Variants in RALGPS1 observed in about 807,000 individuals in gnomAD.
RALGPS1 encodes the protein Ral GEF with PH domain and SH3 binding motif 1, also known as ras-specific guanine nucleotide-releasing factor RalGPS1.
RALGPS1 carries 19 observed loss-of-function variants against 78.8 expected under a neutral mutation model. That is an observed-to-expected ratio of 0.24 (90% CI 0.17 to 0.35). RALGPS1 has a LOEUF of 0.35. Ranked by LOEUF, RALGPS1 falls within the 10% of genes least tolerant of loss-of-function variation. The pLI is 1.00. For missense variants in RALGPS1, 454 were observed against 688.3 expected, an observed-to-expected ratio of 0.66 and a Z score of 3.81; for synonymous variants, 228 against 256.3, an observed-to-expected ratio of 0.89 and a Z score of 1.06.
intron 4 of RALGPS1, among the ~76,000 whole-genome samples, chr9:127,020,104 C>CT (rs1016854430): frequency 7.9e-5 from 12 of 151,966 alleles, no homozygotes; most frequent in African/African-American, 2.9e-4. Context: ...TTTTCCGTCA[C>CT]TTTTTGTGCT....
chr9:127,012,578 C>T (rs544524449), intron 4 of RALGPS1, among the ~76,000 whole-genome samples: 20 of 152,314 alleles, frequency 1.3e-4, no homozygotes, highest in African/African-American at 3.8e-4. Context: ...GCTGCTGTTC[C>T]GACGTGGAGG....
rs2057237825 is a variant in RALGPS1 at position 127,134,190 on chromosome 9, T to C, written c.611-31879T>C. Among the ~76,000 whole-genome samples, 5 of 152,316 alleles carry C rather than the reference T, an allele frequency of 3.3e-5. No individual in the cohort carries two copies. In the East Asian group the frequency reaches 9.6e-4, roughly 29 times the overall value. On this transcript the variant is annotated intron_variant, in intron 8 of 18. Transcript: ENST00000259351. The stretch of plus-strand genomic sequence containing the variant: ...GGGGGGTCTCTCCTCCTTTGTTTTT[T>C]TAAAGACCCACAGTCTCTTTTGGTT...
chr9:127,208,522 T>C (rs964247122), intron 14 of RALGPS1, among the ~76,000 whole-genome samples: 3 of 152,206 alleles, frequency 2.0e-5, no homozygotes, highest in Non-Finnish European at 2.9e-5. Flanking sequence ...TTCACATCAC[T>C]GAGCCTCAGT....
chr9:127,073,611 A>T (rs2050411759), intron 8 of RALGPS1, among the ~76,000 whole-genome samples: 1 of 152,132 alleles, frequency 6.6e-6, no homozygotes, highest in African/African-American at 2.4e-5. Context: ...CTTTGGATAA[A>T]TACCCAGTGG....
At chr9:126,999,266 C>A (rs1324979466) in intron 4 of RALGPS1, among the ~76,000 whole-genome samples, 2 of 152,024 alleles carry the variant, frequency 1.3e-5, no homozygotes, top group African/African-American at 4.8e-5. Context: ...CACAGCCTCC[C>A]CCACTATCAG....
chr9:127,203,175 A>G (rs1393440148), intron 14 of RALGPS1, among the ~76,000 whole-genome samples: 1 of 152,182 alleles, frequency 6.6e-6, no homozygotes, highest in East Asian at 1.9e-4. Flanking sequence ...TGTAGCGGCG[A>G]TCATGTATGT....
rs531467339 is a variant in RALGPS1 at position 127,217,104 on chromosome 9, C to T, written c.1645-1636C>T. 11 of 1,360,354 alleles carry T rather than the reference C, an allele frequency of 8.1e-6. No homozygotes were observed. In the Admixed American group the frequency reaches 3.1e-4, roughly 38 times the overall value. The allele number at this position is 1,360,354 out of a possible 1,614,324, so 84.3% of individuals were successfully genotyped here. A position where few individuals can be genotyped will look rare whatever the true frequency, so the allele number is the denominator to read the frequency against. On this transcript the variant is annotated intron_variant, in intron 18 of 18. Coordinates refer to ENST00000259351, the MANE Select transcript of RALGPS1 (RefSeq NM_014636.3). ...AGCGGCCAGAGGATGACAGCAGCCC[C>T]AGCAGGCAGCAGTGCCTGGGCAGGC...
intron 4 of RALGPS1, among the ~76,000 whole-genome samples, chr9:126,980,386 A>G (rs1212587401): frequency 6.6e-6 from 1 of 152,210 alleles, no homozygotes; most frequent in Non-Finnish European, 1.5e-5. Context: ...CTGGCTGTGT[A>G]TCAGCATCCA....
At chr9:127,182,178 TAA>T (rs74348799) in intron 11 of RALGPS1, among the ~76,000 whole-genome samples, 263 of 141,418 alleles carry the variant, frequency 1.9e-3, no homozygotes, top group East Asian at 4.6e-3. Context: ...CCCATCTGTT[TAA>T]AAAAAAAAAA....
At chr9:127,010,487 A>G (rs1436517900) in intron 4 of RALGPS1, among the ~76,000 whole-genome samples, 1 of 152,046 alleles carries the variant, frequency 6.6e-6, no homozygotes, top group African/African-American at 2.4e-5. Flanking sequence ...GTTCCTAGAG[A>G]TGTGGGAATG....
At chr9:127,022,175 C>G (rs753251019) in intron 4 of RALGPS1, among the ~76,000 whole-genome samples, 2 of 152,084 alleles carry the variant, frequency 1.3e-5, no homozygotes, top group East Asian at 1.9e-4. Flanking sequence ...TCCTTTCCCC[C>G]TCTTGTGGTT....
chr9:126,948,736 C>G (rs1403530028), intron 1 of RALGPS1, among the ~76,000 whole-genome samples: 1 of 151,968 alleles, frequency 6.6e-6, no homozygotes, highest in East Asian at 1.9e-4. Flanking sequence ...CAATTCAGCT[C>G]CGTAAACATA....
At chr9:127,093,677 C>G in intron 8 of RALGPS1, 1 of 1,598,322 alleles carries the variant, frequency 6.3e-7, no homozygotes, top group Non-Finnish European at 8.5e-7. Flanking sequence ...TCAGGCCTCT[C>G]TTGGGGTGGG....
At chr9:126,925,546 C>T (rs2035189534) in intron 1 of RALGPS1, among the ~76,000 whole-genome samples, 2 of 127,264 alleles carry the variant, frequency 1.6e-5, no homozygotes, top group South Asian at 5.1e-4. Context: ...GAGACTCTGT[C>T]TCAAAAAAAA....
At chr9:126,951,960 A>G (rs1327593451) in intron 1 of RALGPS1, among the ~76,000 whole-genome samples, 1 of 152,246 alleles carries the variant, frequency 6.6e-6, no homozygotes, top group Non-Finnish European at 1.5e-5. Context: ...CTGATAAGCA[A>G]CTTCAGCAAA....
intron 1 of RALGPS1, among the ~76,000 whole-genome samples, chr9:126,959,461 G>A (rs559081427): frequency 2.0e-5 from 3 of 152,228 alleles, no homozygotes; most frequent in East Asian, 1.9e-4. Flanking sequence ...GATGGCAAAC[G>A]TGGCTTCTCT....
intron 11 of RALGPS1, among the ~76,000 whole-genome samples, chr9:127,185,454 G>A (rs925008639): frequency 6.6e-5 from 10 of 152,186 alleles, no homozygotes; most frequent in African/African-American, 2.4e-4. Flanking sequence ...CCGTTCACTG[G>A]CTGCTCAACT....
chr9:127,158,970 AGG>A, intron 8 of RALGPS1, among the ~76,000 whole-genome samples: 1 of 151,992 alleles, frequency 6.6e-6, no homozygotes, highest in South Asian at 2.1e-4. Flanking sequence ...TGAGTGTGGG[AGG>A]TATAATTTCC....
At chr9:126,959,682 G>A (rs564558372) in intron 1 of RALGPS1, among the ~76,000 whole-genome samples, 1 of 150,944 alleles carries the variant, frequency 6.6e-6, no homozygotes, top group Non-Finnish European at 1.5e-5. Flanking sequence ...ATACCCTCTT[G>A]ACTAGATTCA....
Sources: gnomAD v4.1 joint callset for allele counts (sites outside exome capture counted in the v4.1 genomes callset) on GRCh38, gnomAD v4.1.1 for gene constraint, MANE v1.5 for transcripts, NCBI Gene and HGNC (gene_info 2026-07-23, HGNC 2026-07-21) for gene names.